ERBB4: variants seen among roughly 807,000 people sequenced by gnomAD.
ERBB4 encodes the protein receptor tyrosine-protein kinase erbB-4.
Under a neutral mutation model 158.0 loss-of-function variants are expected in ERBB4, and 42 were observed. That is an observed-to-expected ratio of 0.27 (90% CI 0.21 to 0.34). The LOEUF (loss-of-function observed/expected upper bound fraction) is 0.34. Ranked by LOEUF, ERBB4 falls within the 10% of genes least tolerant of loss-of-function variation. ERBB4 has a pLI of 1.00. For synonymous variants in ERBB4, 583 were observed against 558.7 expected, an observed-to-expected ratio of 1.04 and a Z score of -0.61; for missense variants, 1,333 against 1,624.1, an observed-to-expected ratio of 0.82 and a Z score of 3.08.
intron 20 of ERBB4, among the ~76,000 whole-genome samples, chr2:211,447,719 C>T (rs2125468763): frequency 6.6e-6 from 1 of 152,242 alleles, no homozygotes; most frequent in Non-Finnish European, 1.5e-5. Context: ...AAATTTAGTT[C>T]CTCTTTCTGC....
At chr2:212,050,169 A>G (rs1367458311) in intron 2 of ERBB4, among the ~76,000 whole-genome samples, 3 of 151,692 alleles carry the variant, frequency 2.0e-5, no homozygotes, top group African/African-American at 4.8e-5. Flanking sequence ...TTTCCTTTCT[A>G]TGTACTCTCT....
chr2:212,210,764 T>C (rs568148019), intron 1 of ERBB4, among the ~76,000 whole-genome samples: 2 of 152,268 alleles, frequency 1.3e-5, no homozygotes, highest in South Asian at 4.1e-4. Context: ...CTAAGTTTTC[T>C]CTTCTGTTTA....
chr2:212,051,719 C>G (rs1336708711), intron 2 of ERBB4, among the ~76,000 whole-genome samples: 1 of 152,016 alleles, frequency 6.6e-6, no homozygotes, highest in Non-Finnish European at 1.5e-5. Flanking sequence ...TATGGCTTCC[C>G]CCATAGATTT....
intron 15 of ERBB4, chr2:211,658,132 G>T (rs2071287995): frequency 1.7e-6 from 1 of 584,156 alleles, no homozygotes; most frequent in Admixed American, 2.6e-5. Flanking sequence ...AAGCCAGGAA[G>T]ATTTTTGCTT....
intron 5 of ERBB4, among the ~76,000 whole-genome samples, chr2:211,735,309 A>C (rs1029541736): frequency 6.6e-6 from 1 of 152,196 alleles, no homozygotes; most frequent in African/African-American, 2.4e-5. Context: ...TTAACATTTA[A>C]AAACTAGCTT....
At chr2:211,757,019 A>G (rs191422869) in intron 4 of ERBB4, among the ~76,000 whole-genome samples, 101 of 152,350 alleles carry the variant, frequency 6.6e-4, no homozygotes, top group Admixed American at 2.6e-3. Context: ...AACCACTCAT[A>G]TAATAGTAAA....
At chr2:212,347,008 A>C (rs1378002336) in intron 1 of ERBB4, among the ~76,000 whole-genome samples, 2 of 152,102 alleles carry the variant, frequency 1.3e-5, no homozygotes, top group African/African-American at 4.8e-5. Flanking sequence ...TTGTCTTTGG[A>C]GTTGGCAGAA....
chr2:212,297,059 T>C (rs914358095), intron 1 of ERBB4, among the ~76,000 whole-genome samples: 1 of 151,998 alleles, frequency 6.6e-6, no homozygotes, highest in Non-Finnish European at 1.5e-5. Context: ...CCCTGTCTGA[T>C]GAAGCATCAT....
At chr2:212,505,704 A>G (rs1310992786) in intron 1 of ERBB4, among the ~76,000 whole-genome samples, 3 of 148,898 alleles carry the variant, frequency 2.0e-5, no homozygotes, top group Admixed American at 6.7e-5. Flanking sequence ...GGGATACCCC[A>G]AAGTCAGTGT....
intron 14 of ERBB4, among the ~76,000 whole-genome samples, chr2:211,671,131 A>G (rs1370264998): frequency 6.6e-6 from 1 of 152,200 alleles, no homozygotes. Context: ...AAAAGTCACA[A>G]TTGCAAGAAA....
chr2:212,109,391 C>T (rs1235648206), intron 2 of ERBB4, among the ~76,000 whole-genome samples: 3 of 152,292 alleles, frequency 2.0e-5, no homozygotes, highest in Admixed American at 2.0e-4. Flanking sequence ...CTAGGCCACT[C>T]CCTTTTCTAT....
intron 1 of ERBB4, among the ~76,000 whole-genome samples, chr2:212,405,996 C>A (rs573431081): frequency 1.3e-4 from 20 of 152,028 alleles, no homozygotes; most frequent in Non-Finnish European, 2.5e-4. Context: ...AAACTGAATC[C>A]TAAGAATATC....
chr2:212,460,290 G>A (rs561989710), intron 1 of ERBB4, among the ~76,000 whole-genome samples: 3 of 152,300 alleles, frequency 2.0e-5, no homozygotes, highest in Admixed American at 6.5e-5. Context: ...AGTAGAGTGA[G>A]GCATTGCTGA....
rs148834014 is a variant in ERBB4, at chr2:212,116,599, C to T, written c.234+8153G>A. The stretch of plus-strand genomic sequence containing the variant: ...AGTAGGTGGGATTACAGGCATGTGC[C>T]GCCACACTGGTTAAATTTTAAAACA... On this transcript the variant is annotated intron_variant, in intron 2 of 27. Transcript: ENST00000342788. 7.0e-3 allele frequency among the ~76,000 whole-genome samples: 1,070 copies of T among 152,206 alleles called. 7 individuals are homozygous for T. Among genetic ancestry groups the T allele is most frequent in the Middle Eastern group, 0.024 (7 of 294 alleles).
At chr2:212,272,020 C>T (rs953016944) in intron 1 of ERBB4, among the ~76,000 whole-genome samples, 3 of 151,648 alleles carry the variant, frequency 2.0e-5, no homozygotes, top group African/African-American at 7.3e-5. Flanking sequence ...AGACCTATGC[C>T]TAAGGCAGAA....
At chr2:212,048,820 G>A (rs2077325294) in intron 2 of ERBB4, among the ~76,000 whole-genome samples, 1 of 152,214 alleles carries the variant, frequency 6.6e-6, no homozygotes, top group Non-Finnish European at 1.5e-5. Flanking sequence ...GGGACTGGAT[G>A]AGATCATTTA....
intron 3 of ERBB4, among the ~76,000 whole-genome samples, chr2:211,836,564 A>G (rs1216214244): frequency 1.3e-5 from 2 of 152,090 alleles, no homozygotes; most frequent in Non-Finnish European, 2.9e-5. Flanking sequence ...ATAGAAGGAA[A>G]GCAGGTGTTC....
chr2:212,058,569 G>T (rs2077656298), intron 2 of ERBB4, among the ~76,000 whole-genome samples: 1 of 152,110 alleles, frequency 6.6e-6, no homozygotes, highest in African/African-American at 2.4e-5. Flanking sequence ...GAATCCAGCA[G>T]CACATCAAAA....
At chr2:211,831,211 G>A (rs2077211181) in intron 3 of ERBB4, among the ~76,000 whole-genome samples, 1 of 152,092 alleles carries the variant, frequency 6.6e-6, no homozygotes, top group South Asian at 2.1e-4. Flanking sequence ...CTTTCCAAAG[G>A]TTTTTCAAAA....
Sources: allele counts gnomAD v4.1 joint callset (sites outside exome capture counted in the v4.1 genomes callset), GRCh38; gene constraint gnomAD v4.1.1; transcripts MANE v1.5; gene names NCBI Gene and HGNC (gene_info 2026-07-23, HGNC 2026-07-21).